ERBIN: variants seen among roughly 807,000 people sequenced by gnomAD.
The protein encoded by ERBIN is erbb2 interacting protein.
In ERBIN, 60 loss-of-function variants were observed where a neutral mutation model predicts 158.4. That is an observed-to-expected ratio of 0.38 (90% CI 0.31 to 0.47). The LOEUF (loss-of-function observed/expected upper bound fraction) is 0.47, where lower values mean the gene tolerates loss of function less well. ERBIN is among the 20% of genes least tolerant of loss of function. The pLI is 0.99. For synonymous variants in ERBIN, 594 were observed against 557.2 expected (o/e 1.07, Z -0.93); for missense variants, 1,610 against 1,648.0 (o/e 0.98, Z 0.40).
At chr5:65,960,308 A>G (rs1316033884) in intron 1 of ERBIN, among the ~76,000 whole-genome samples, 1 of 152,216 alleles carries the variant, frequency 6.6e-6, no homozygotes, top group South Asian at 2.1e-4. Context: ...AGCATTAGAA[A>G]TATGAGGAGT....
At chr5:66,024,199 A>G in intron 9 of ERBIN, 107 bp from the exon 10 acceptor site, 1 of 738,822 alleles carries the variant, frequency 1.4e-6, no homozygotes, top group South Asian at 2.3e-5. Flanking sequence ...TCTTTCTTGT[A>G]TTAGCATTTA....
intron 1 of ERBIN, among the ~76,000 whole-genome samples, chr5:65,969,796 C>T (rs1299211443): frequency 2.6e-5 from 4 of 152,158 alleles, no homozygotes; most frequent in Non-Finnish European, 5.9e-5. Context: ...ACATAGCTTT[C>T]TAGGAACAGT....
At chr5:65,949,734 A>G (rs764061167) in intron 1 of ERBIN, among the ~76,000 whole-genome samples, 1 of 152,236 alleles carries the variant, frequency 6.6e-6, no homozygotes, top group Non-Finnish European at 1.5e-5. Flanking sequence ...TAATTAAACT[A>G]CAGAGTTTAA....
intron 2 of ERBIN, among the ~76,000 whole-genome samples, chr5:65,992,284 G>C (rs779862461): frequency 1.4e-4 from 21 of 151,990 alleles, no homozygotes; most frequent in Non-Finnish European, 2.9e-4. Flanking sequence ...CGAGTAGCTG[G>C]GACTACAGGT....
At chr5:66,040,835 T>C (rs1418927521) in intron 15 of ERBIN, among the ~76,000 whole-genome samples, 1 of 137,656 alleles carries the variant, frequency 7.3e-6, no homozygotes, top group Non-Finnish European at 1.6e-5. Context: ...ATTCTGAAGG[T>C]GGGAAGATTA....
intron 4 of ERBIN, among the ~76,000 whole-genome samples, chr5:65,995,157 A>G (rs560445140): frequency 6.6e-6 from 1 of 152,046 alleles, no homozygotes; most frequent in Non-Finnish European, 1.5e-5. Context: ...AATGTAAGGG[A>G]TTTTTTTGTT....
chr5:66,008,890 T>C (rs1753897906), intron 4 of ERBIN, among the ~76,000 whole-genome samples: 1 of 152,208 alleles, frequency 6.6e-6, no homozygotes, highest in East Asian at 1.9e-4. Flanking sequence ...GTCGGATCAT[T>C]ACTTGAAAAT....
At chr5:65,947,725 A>C (rs760668098) in intron 1 of ERBIN, among the ~76,000 whole-genome samples, 2 of 152,126 alleles carry the variant, frequency 1.3e-5, no homozygotes, top group African/African-American at 2.4e-5. Flanking sequence ...ATCTTAAATA[A>C]GCTGGATGTG....
At chr5:65,927,102 A>G (rs904369865) in intron 1 of ERBIN, among the ~76,000 whole-genome samples, 1 of 151,832 alleles carries the variant, frequency 6.6e-6, no homozygotes, top group African/African-American at 2.4e-5. Flanking sequence ...TGTTCAGCAC[A>G]GGGGCCAGAA....
intron 1 of ERBIN, among the ~76,000 whole-genome samples, chr5:65,956,545 CTTT>C (rs775550780): frequency 8.8e-5 from 12 of 136,008 alleles, no homozygotes; most frequent in Admixed American, 3.7e-4. Context: ...AATTTTTTTA[CTTT>C]TTTTTTTTTT....
At chr5:66,025,824 T>C (rs1178904471) in intron 11 of ERBIN, 24 bp from the exon 12 acceptor site, 7 of 1,324,300 alleles carry the variant, frequency 5.3e-6, no homozygotes, top group Non-Finnish European at 5.1e-6. Context: ...ACAAATAATA[T>C]ATATTTCTTT....
chr5:65,941,976 G>A (rs1224404512), intron 1 of ERBIN, among the ~76,000 whole-genome samples: 2 of 152,092 alleles, frequency 1.3e-5, no homozygotes, highest in East Asian at 3.9e-4. Context: ...TCCTGACCTC[G>A]TGATGCGCCC....
At chr5:66,077,866 A>C (rs968419981) in intron 25 of ERBIN, among the ~76,000 whole-genome samples, 1 of 151,514 alleles carries the variant, frequency 6.6e-6, no homozygotes, top group Non-Finnish European at 1.5e-5. Context: ...TTTGGGTTTC[A>C]ATTTGTGACT....
chr5:65,977,867 A>G (rs1317115501), intron 1 of ERBIN, among the ~76,000 whole-genome samples: 1 of 151,822 alleles, frequency 6.6e-6, no homozygotes, highest in Non-Finnish European at 1.5e-5. Context: ...CCTGGGCACC[A>G]TTGAGCACTG....
Position 66,018,478 on chromosome 5 carries a change from T to TA in ERBIN, c.534-2843dup, listed in dbSNP as rs1561380221. On this transcript the variant is annotated intron_variant, in intron 7 of 25. Coordinates refer to ENST00000284037, the MANE Select transcript of ERBIN (RefSeq NM_001253697.2). ...ATTATATTATATAATATATATTATA[T>TA]ATTATATATTATATTATATAATATA... Among the ~76,000 whole-genome samples, 5 of 4,608 alleles carry TA rather than the reference T, an allele frequency of 1.1e-3. 1 individual carries two copies. The highest frequency in any genetic ancestry group is 4.1e-3 in the African/African-American group (4 of 976). 3.0% of individuals were successfully genotyped at this position (4,608 alleles called of 152,430 possible).
intron 1 of ERBIN, among the ~76,000 whole-genome samples, chr5:65,930,701 T>C (rs529147874): frequency 6.6e-6 from 1 of 152,334 alleles, no homozygotes; most frequent in South Asian, 2.1e-4. Flanking sequence ...TGTTATTTAT[T>C]CTTATGTATT....
At chr5:65,968,665 A>G (rs1233372994) in intron 1 of ERBIN, among the ~76,000 whole-genome samples, 1 of 151,990 alleles carries the variant, frequency 6.6e-6, no homozygotes, top group African/African-American at 2.4e-5. Context: ...GGTTCAAGCA[A>G]TTCTCCTATC....
At chr5:65,961,406 C>T (rs1561299811) in intron 1 of ERBIN, 1 of 152,196 alleles carries the variant, frequency 6.6e-6, no homozygotes, top group East Asian at 1.9e-4. Context: ...ATTATACTTC[C>T]CTGCAGCAGT....
At chr5:65,959,809 G>A (rs73762615) in intron 1 of ERBIN, among the ~76,000 whole-genome samples, 6,107 of 152,084 alleles carry the variant, frequency 0.04, 418 homozygotes, top group African/African-American at 0.14. Flanking sequence ...AGAAGAAAAA[G>A]CAACATGATT....
Sources: allele counts gnomAD v4.1 joint callset (sites outside exome capture counted in the v4.1 genomes callset), GRCh38; gene constraint gnomAD v4.1.1; transcripts MANE v1.5; gene names NCBI Gene and HGNC (gene_info 2026-07-23, HGNC 2026-07-21).